HS6ST3: variants seen among roughly 807,000 people sequenced by gnomAD.
HS6ST3 encodes the protein heparan sulfate 6-O-sulfotransferase 3.
Under a neutral mutation model 36.7 loss-of-function variants are expected in HS6ST3, and 12 were observed. The ratio of observed to expected loss-of-function variants is 0.33; its 90% CI spans 0.21 to 0.53. The LOEUF (loss-of-function observed/expected upper bound fraction) is 0.53. HS6ST3 is among the 20% of genes least tolerant of loss of function. HS6ST3 has a pLI of 0.95. For missense variants in HS6ST3, 584 were observed against 640.9 expected (o/e 0.91, Z 0.96); for synonymous variants, 240 against 257.5 (o/e 0.93, Z 0.65).
chr13:96,512,269 T>A (rs967624865), intron 1 of HS6ST3, among the ~76,000 whole-genome samples: 1 of 152,182 alleles, frequency 6.6e-6, no homozygotes, highest in African/African-American at 2.4e-5. Flanking sequence ...ACCAGTACCA[T>A]ATTGTATTTG....
At chr13:96,118,696 T>A (rs1209993665) in intron 1 of HS6ST3, among the ~76,000 whole-genome samples, 23 of 62,518 alleles carry the variant, frequency 3.7e-4, no homozygotes, top group African/African-American at 5.8e-4. Context: ...ATATTTTTTT[T>A]TTTTTTTTTT....
At chr13:96,764,672 G>T (rs1360592695) in intron 1 of HS6ST3, among the ~76,000 whole-genome samples, 1 of 152,136 alleles carries the variant, frequency 6.6e-6, no homozygotes, top group African/African-American at 2.4e-5. Flanking sequence ...CACTTTCTGT[G>T]CAGGCAGGAT....
intron 1 of HS6ST3, among the ~76,000 whole-genome samples, chr13:96,363,160 G>A (rs934601211): frequency 2.6e-5 from 4 of 152,028 alleles, no homozygotes; most frequent in African/African-American, 9.7e-5. Context: ...ACACACACAC[G>A]AGTGCTTGCA....
chr13:96,834,031 G>GA lies in HS6ST3; in HGVS notation c.*840dup, dbSNP rs1260954155. On this transcript the variant is annotated 3_prime_UTR_variant, in exon 2 of 2. Transcript: ENST00000376705. ...GTGAGGAATGAATGATAAATTAAGA[G>GA]AAAAAAATATCAGGAAGGTCAATAT... The GA allele has an allele frequency of 1.3e-5, 2 of 151,964 alleles. No individual in the cohort carries two copies. The highest frequency in any genetic ancestry group is 1.9e-4 in the East Asian group (1 of 5,196). The allele number at this position is 151,964 out of a possible 1,614,324, so 9.4% of individuals were successfully genotyped here. A position where few individuals can be genotyped will look rare whatever the true frequency, so the allele number is the denominator to read the frequency against.
intron 1 of HS6ST3, among the ~76,000 whole-genome samples, chr13:96,153,175 C>A (rs1044412681): frequency 6.6e-6 from 1 of 152,102 alleles, no homozygotes; most frequent in South Asian, 2.1e-4. Flanking sequence ...TTGAAGACAG[C>A]GTGTGTGTCT....
intron 1 of HS6ST3, among the ~76,000 whole-genome samples, chr13:96,110,070 T>C (rs1206192612): frequency 6.6e-6 from 1 of 152,140 alleles, no homozygotes; most frequent in Admixed American, 6.5e-5. Flanking sequence ...TATAAAGGAA[T>C]ACGTGAGGCT....
intron 1 of HS6ST3, among the ~76,000 whole-genome samples, chr13:96,376,428 G>A (rs535679806): frequency 2.0e-5 from 3 of 152,082 alleles, no homozygotes; most frequent in East Asian, 3.9e-4. Context: ...GATTCAATCC[G>A]GACCTAAGTT....
chr13:96,163,594 T>C (rs1205966709), intron 1 of HS6ST3, among the ~76,000 whole-genome samples: 1 of 152,142 alleles, frequency 6.6e-6, no homozygotes. Context: ...GTCCAGGTGG[T>C]ATGTTGAACT....
chr13:96,264,258 A>G (rs1424340999), intron 1 of HS6ST3, among the ~76,000 whole-genome samples: 1 of 152,190 alleles, frequency 6.6e-6, no homozygotes, highest in Non-Finnish European at 1.5e-5. Context: ...TGCAAATACC[A>G]GAAGAGGTAC....
intron 1 of HS6ST3, among the ~76,000 whole-genome samples, chr13:96,157,200 A>G (rs1232251083): frequency 6.6e-6 from 1 of 152,218 alleles, no homozygotes; most frequent in Non-Finnish European, 1.5e-5. Context: ...AAATGTTACC[A>G]TTGGAAAAGC....
intron 1 of HS6ST3, among the ~76,000 whole-genome samples, chr13:96,593,085 TA>T (rs1477999963): frequency 8.5e-5 from 13 of 152,068 alleles, no homozygotes; most frequent in Admixed American, 3.9e-4. Context: ...TTGCCCTTTT[TA>T]GGACATTTTC....
At chr13:96,624,768 G>A (rs1025465810) in intron 1 of HS6ST3, among the ~76,000 whole-genome samples, 1 of 152,138 alleles carries the variant, frequency 6.6e-6, no homozygotes, top group East Asian at 1.9e-4. Flanking sequence ...CACCCATGAT[G>A]GTGTGTGTGG....
intron 1 of HS6ST3, among the ~76,000 whole-genome samples, chr13:96,691,478 G>T (rs185154651): frequency 6.6e-5 from 10 of 152,152 alleles, no homozygotes; most frequent in Non-Finnish European, 1.0e-4. Flanking sequence ...TTAGGTTTTT[G>T]ACTTTGTAAG....
intron 1 of HS6ST3, among the ~76,000 whole-genome samples, chr13:96,379,789 T>TA (rs992454339): frequency 5.3e-5 from 8 of 152,244 alleles, no homozygotes; most frequent in African/African-American, 1.7e-4. Context: ...ATTACAGACT[T>TA]ACGTTTGAGA....
At chr13:96,708,338 A>C (rs1412037488) in intron 1 of HS6ST3, among the ~76,000 whole-genome samples, 3 of 152,232 alleles carry the variant, frequency 2.0e-5, no homozygotes, top group Non-Finnish European at 4.4e-5. Context: ...TTCTATCTAG[A>C]GCATATAAGA....
At chr13:96,485,713 T>C (rs2055910838) in intron 1 of HS6ST3, among the ~76,000 whole-genome samples, 1 of 152,316 alleles carries the variant, frequency 6.6e-6, no homozygotes, top group South Asian at 2.1e-4. Flanking sequence ...GATAGAATTC[T>C]TATAGATATT....
chr13:96,259,792 A>G (rs2054655229), intron 1 of HS6ST3, among the ~76,000 whole-genome samples: 1 of 152,212 alleles, frequency 6.6e-6, no homozygotes, highest in East Asian at 1.9e-4. Context: ...GGAAAACAAA[A>G]TAACTATTGA....
intron 1 of HS6ST3, among the ~76,000 whole-genome samples, chr13:96,660,448 T>C (rs1365985391): frequency 6.6e-6 from 1 of 152,174 alleles, no homozygotes; most frequent in Non-Finnish European, 1.5e-5. Context: ...TTTCAATAAA[T>C]GGTGTTGGGA....
chr13:96,512,264 T>G (rs2056052906), intron 1 of HS6ST3, among the ~76,000 whole-genome samples: 1 of 152,172 alleles, frequency 6.6e-6, no homozygotes, highest in African/African-American at 2.4e-5. Flanking sequence ...CTTGCACCAG[T>G]ACCATATTGT....
Sources: gnomAD v4.1 joint callset for allele counts (sites outside exome capture counted in the v4.1 genomes callset) on GRCh38, gnomAD v4.1.1 for gene constraint, MANE v1.5 for transcripts, NCBI Gene and HGNC (gene_info 2026-07-23, HGNC 2026-07-21) for gene names.